SGCD: variants seen among roughly 807,000 people sequenced by gnomAD.
SGCD encodes delta-sarcoglycan.
A neutral mutation model predicts 36.6 loss-of-function variants in SGCD; 18 were observed. That is an observed-to-expected ratio of 0.49 (90% CI 0.34 to 0.73). The LOEUF is 0.73. SGCD is among the 30% of genes least tolerant of loss of function. SGCD has a pLI of 0.01. For missense variants in SGCD, 387 were observed against 346.7 expected, an observed-to-expected ratio of 1.12 and a Z score of -0.92; for synonymous variants, 133 against 130.6, an observed-to-expected ratio of 1.02 and a Z score of -0.12.
At chr5:156,208,884 A>G (rs766267696) in intron 3 of SGCD, among the ~76,000 whole-genome samples, 6 of 152,186 alleles carry the variant, frequency 3.9e-5, no homozygotes, top group Non-Finnish European at 7.3e-5. Flanking sequence ...AACTAAGGAA[A>G]TTATAGCACC....
Position 156,060,489 on chromosome 5 carries a change from T to C in SGCD, c.-281-57389T>C, listed in dbSNP as rs557639735. On this transcript the variant is annotated intron_variant, in intron 1 of 9. Coordinates refer to the SGCD transcript ENST00000517913. ...ATTAATTGGATGGCACCTAAGTTCC[T>C]TCAAATATTCAGTTCATTTCTTAAT... 3.4e-5 allele frequency among the ~76,000 whole-genome samples: 5 copies of C among 146,720 alleles called. No homozygotes were observed. In the Admixed American group the frequency reaches 3.4e-4, roughly 10 times the overall value.
chr5:156,289,651 C>T (rs1033320815), intron 3 of SGCD, among the ~76,000 whole-genome samples: 13 of 151,676 alleles, frequency 8.6e-5, no homozygotes, highest in Admixed American at 7.9e-4. Context: ...TCCTGCTGTA[C>T]CACACTTGAG....
intron 3 of SGCD, among the ~76,000 whole-genome samples, chr5:156,164,504 G>A (rs1763166959): frequency 6.6e-6 from 1 of 152,234 alleles, no homozygotes; most frequent in African/African-American, 2.4e-5. Flanking sequence ...TCCAATGAGG[G>A]GGCTTGCATT....
intron 1 of SGCD, among the ~76,000 whole-genome samples, chr5:155,969,712 T>C (rs1310787756): frequency 6.6e-6 from 1 of 152,108 alleles, no homozygotes; most frequent in African/African-American, 2.4e-5. Flanking sequence ...ATAAACTGCC[T>C]CTTTCAGTTG....
chr5:156,073,355 C>T (rs997214121), intron 1 of SGCD, among the ~76,000 whole-genome samples: 2 of 152,130 alleles, frequency 1.3e-5, no homozygotes, highest in Admixed American at 6.5e-5. Context: ...CCCAGGATTT[C>T]AAGACCAGCC....
intron 3 of SGCD, among the ~76,000 whole-genome samples, chr5:156,429,588 T>G (rs1773838395): frequency 6.6e-6 from 1 of 151,918 alleles, no homozygotes; most frequent in Non-Finnish European, 1.5e-5. Context: ...TTTTTTTTTT[T>G]TAATTGTGTT....
chr5:156,708,732 A>C (rs547869962), intron 7 of SGCD, among the ~76,000 whole-genome samples: 1 of 152,234 alleles, frequency 6.6e-6, no homozygotes, highest in South Asian at 2.1e-4. Context: ...GGGAATGTAA[A>C]TACGTGTGTG....
At chr5:156,564,060 G>T (rs1174095432) in intron 4 of SGCD, among the ~76,000 whole-genome samples, 1 of 152,194 alleles carries the variant, frequency 6.6e-6, no homozygotes, top group African/African-American at 2.4e-5. Flanking sequence ...CAGTTGGTTG[G>T]TGAATTTACT....
At chr5:156,363,296 G>T (rs894578680) in intron 3 of SGCD, among the ~76,000 whole-genome samples, 1 of 152,106 alleles carries the variant, frequency 6.6e-6, no homozygotes, top group South Asian at 2.1e-4. Flanking sequence ...ATTTCTAAAA[G>T]TATTGTTCTT....
chr5:156,297,351 C>A (rs556256160), intron 3 of SGCD, among the ~76,000 whole-genome samples: 2 of 151,800 alleles, frequency 1.3e-5, no homozygotes, highest in Admixed American at 6.6e-5. Flanking sequence ...ATGTTTATTG[C>A]GGCATTATTC....
the SGCD span, among the ~76,000 whole-genome samples, chr5:155,752,619 G>A: frequency 2.6e-4 from 39 of 152,102 alleles, no homozygotes; most frequent in South Asian, 6.0e-3. Context: ...AACCCCCATA[G>A]GACCATAGTC....
At chr5:156,171,174 T>A (rs1320653617) in intron 3 of SGCD, among the ~76,000 whole-genome samples, 1 of 152,242 alleles carries the variant, frequency 6.6e-6, no homozygotes, top group Admixed American at 6.5e-5. Flanking sequence ...TCTACATTTT[T>A]AAACTTGATA....
chr5:156,709,418 C>T (rs917846720), intron 7 of SGCD, among the ~76,000 whole-genome samples: 5 of 152,200 alleles, frequency 3.3e-5, no homozygotes, highest in African/African-American at 1.2e-4. Context: ...AGAGTAACTA[C>T]ATGCAAGTGA....
the SGCD span, among the ~76,000 whole-genome samples, chr5:155,816,981 A>G: frequency 6.6e-6 from 1 of 152,222 alleles, no homozygotes; most frequent in African/African-American, 2.4e-5. Context: ...GTGCTCTACA[A>G]GCCTTCACTA....
intron 4 of SGCD, among the ~76,000 whole-genome samples, chr5:156,583,850 AAAT>A: frequency 6.6e-6 from 1 of 152,238 alleles, no homozygotes. Context: ...TAGTGGGAAA[AAAT>A]AATGATTGTT....
intron 3 of SGCD, among the ~76,000 whole-genome samples, chr5:156,282,661 T>G (rs60202362): frequency 0.04 from 6,045 of 152,020 alleles, 378 homozygotes; most frequent in African/African-American, 0.13. Flanking sequence ...GGTGTGAGTG[T>G]TTTTTTTCCT....
the SGCD span, among the ~76,000 whole-genome samples, chr5:155,853,920 T>C: frequency 6.6e-6 from 1 of 152,210 alleles, no homozygotes. Context: ...TTGTTGAAAT[T>C]GCTTTCATGT....
intron 1 of SGCD, among the ~76,000 whole-genome samples, chr5:156,079,587 A>G (rs1215258923): frequency 6.6e-6 from 1 of 152,212 alleles, no homozygotes; most frequent in Non-Finnish European, 1.5e-5. Context: ...TCCAAAATGG[A>G]GAAATAGCCA....
At chr5:155,998,932 T>C (rs1386659422) in intron 1 of SGCD, among the ~76,000 whole-genome samples, 1 of 152,220 alleles carries the variant, frequency 6.6e-6, no homozygotes, top group Non-Finnish European at 1.5e-5. Context: ...TCATGTCTTA[T>C]TTGCAGTATG....
Sources: gnomAD v4.1 joint callset for allele counts (sites outside exome capture counted in the v4.1 genomes callset) on GRCh38, gnomAD v4.1.1 for gene constraint, MANE v1.5 for transcripts, NCBI Gene and HGNC (gene_info 2026-07-23, HGNC 2026-07-21) for gene names.